The following SLC47A1 variants were observed in gnomAD, a reference collection of about 807,000 sequenced individuals.
SLC47A1 encodes solute carrier family 47 member 1, also known as multidrug and toxin extrusion protein 1.
Under a neutral mutation model 65.8 loss-of-function variants are expected in SLC47A1, and 58 were observed. The ratio of observed to expected loss-of-function variants is 0.88; its 90% confidence interval spans 0.71 to 1.10. The LOEUF is 1.10. Among genes scored for constraint, SLC47A1 ranks in the 50% least tolerant of loss-of-function variants. The probability of loss-of-function intolerance (pLI) is 0.00; values close to 1 mark genes in which losing one functional copy is unlikely to be tolerated. For synonymous variants in SLC47A1, 285 were observed against 295.0 expected (o/e 0.97, Z 0.35); for missense variants, 706 against 719.2 (o/e 0.98, Z 0.21).
chr17:19,574,429 G>A (rs2084423613), intron 16 of SLC47A1, among the ~76,000 whole-genome samples: 1 of 152,186 alleles, frequency 6.6e-6, no homozygotes, highest in Admixed American at 6.5e-5. Context: ...AGCAGCCTCA[G>A]AGGCTGGGCA....
At chr17:19,542,245 C>A (rs901785100) in intron 1 of SLC47A1, 148 bp from the exon 2 acceptor site, 33 of 471,512 alleles carry the variant, frequency 7.0e-5, no homozygotes, top group African/African-American at 5.2e-4. Flanking sequence ...AGAAATTGTA[C>A]ATTTGCCTGT....
intron 12 of SLC47A1, 33 bp from the exon 13 acceptor site, chr17:19,566,757 T>G: frequency 6.2e-7 from 1 of 1,607,396 alleles, no homozygotes; most frequent in Admixed American, 1.7e-5. Flanking sequence ...CCACTTTGTC[T>G]CCTAATCACC....
At chr17:19,541,757 T>C (rs1597493792) in intron 1 of SLC47A1, among the ~76,000 whole-genome samples, 1 of 152,186 alleles carries the variant, frequency 6.6e-6, no homozygotes, top group Non-Finnish European at 1.5e-5. Context: ...AACAAGGGGG[T>C]TATCCCAGAA....
intron 6 of SLC47A1, among the ~76,000 whole-genome samples, chr17:19,551,845 G>C (rs554899487): frequency 6.6e-6 from 1 of 152,312 alleles, no homozygotes; most frequent in East Asian, 1.9e-4. Flanking sequence ...GGGGCAGCTC[G>C]TCTGGCAGAG....
At chr17:19,553,002 G>T (rs188952045) in intron 6 of SLC47A1, among the ~76,000 whole-genome samples, 10 of 152,264 alleles carry the variant, frequency 6.6e-5, no homozygotes, top group Non-Finnish European at 5.9e-5. Context: ...AGTTTGCGTT[G>T]TGGGAGCAGT....
At chr17:19,557,525 T>C (rs751282307) in intron 10 of SLC47A1, 1 of 508,584 alleles carries the variant, frequency 2.0e-6, no homozygotes, top group Admixed American at 2.0e-5. Context: ...CTTCATATAC[T>C]TGTCTGATTA....
chr17:19,571,444 G>A (rs770384344), intron 14 of SLC47A1, 34 bp from the exon 15 acceptor site: 4 of 1,582,568 alleles, frequency 2.5e-6, no homozygotes, highest in East Asian at 2.2e-5. Context: ...GGTTTTCTAT[G>A]GAATTAACCT....
intron 1 of SLC47A1, among the ~76,000 whole-genome samples, chr17:19,536,421 T>C (rs1405456942): frequency 6.6e-6 from 1 of 152,166 alleles, no homozygotes; most frequent in African/African-American, 2.4e-5. Context: ...CATATATGTA[T>C]ACCATTGTGT....
intron 16 of SLC47A1, among the ~76,000 whole-genome samples, chr17:19,576,281 T>C (rs901169423): frequency 6.7e-6 from 1 of 149,104 alleles, no homozygotes; most frequent in African/African-American, 2.5e-5. Flanking sequence ...CAATACTTAG[T>C]AGGCCCTTTG....
chr17:19,572,908 A>G, intron 16 of SLC47A1, 47 bp downstream of exon 16: 1 of 1,534,132 alleles, frequency 6.5e-7, no homozygotes, highest in Non-Finnish European at 9.0e-7. Context: ...TCTAGGTAGG[A>G]CTGGAGGGGC....
intron 12 of SLC47A1, among the ~76,000 whole-genome samples, chr17:19,563,338 T>C (rs940312530): frequency 2.0e-5 from 3 of 151,788 alleles, no homozygotes; most frequent in Non-Finnish European, 4.4e-5. Context: ...TTCACCGTGT[T>C]AGCCAGGATG....
intron 14 of SLC47A1, chr17:19,570,801 T>C (rs1368011194): frequency 6.6e-6 from 1 of 152,326 alleles, no homozygotes; most frequent in African/African-American, 2.4e-5. Context: ...TTGGAGCTTT[T>C]GGTTCTGCCA....
chr17:19,556,298 C>T (rs578252863), intron 10 of SLC47A1, among the ~76,000 whole-genome samples: 5 of 152,178 alleles, frequency 3.3e-5, no homozygotes, highest in Non-Finnish European at 7.3e-5. Context: ...CATCTCCTAA[C>T]GCAGCTCCCA....
chr17:19,548,499 CTTTTT>C (rs11341022), intron 4 of SLC47A1, among the ~76,000 whole-genome samples: 9 of 123,444 alleles, frequency 7.3e-5, no homozygotes, highest in Admixed American at 8.2e-5. Context: ...CAAGATTTTT[CTTTTT>C]TTTTTTTTTT....
chr17:19,556,651 C>G (rs1042302655), intron 10 of SLC47A1, among the ~76,000 whole-genome samples: 1 of 150,280 alleles, frequency 6.7e-6, no homozygotes, highest in Admixed American at 6.6e-5. Context: ...CTCCGCCTCC[C>G]GGGTTCAAGC....
intron 10 of SLC47A1, among the ~76,000 whole-genome samples, chr17:19,559,133 A>G (rs770354878): frequency 3.9e-5 from 6 of 152,204 alleles, no homozygotes; most frequent in East Asian, 1.9e-4. Flanking sequence ...CAATAGCCCA[A>G]TGAGATAGGT....
intron 2 of SLC47A1, among the ~76,000 whole-genome samples, chr17:19,542,847 A>G (rs1258926339): frequency 6.7e-6 from 1 of 150,034 alleles, no homozygotes; most frequent in Non-Finnish European, 1.5e-5. Flanking sequence ...GCTGGAGTGC[A>G]ATGGTGCGAT....
At position 19,567,042 on chromosome 17, in the gene SLC47A1, G is replaced by A. The variant is rs928427522; in HGVS notation, c.1177-54G>A. On this transcript the variant is annotated intron_variant, in intron 13 of 16. Coordinates refer to ENST00000270570, the MANE Select transcript of SLC47A1 (RefSeq NM_018242.3). Reference sequence around the variant, plus strand: ...AATATGAAGTGCTCGGGAGATGGGAGTGTTTCAAGAGCGCCGGATGTGTTC... The same window carrying A: ...AATATGAAGTGCTCGGGAGATGGGAATGTTTCAAGAGCGCCGGATGTGTTC... 6 of 1,612,720 alleles carry A rather than the reference G, an allele frequency of 3.7e-6. No homozygotes were observed. In the African/African-American group the frequency reaches 6.7e-5, roughly 18 times the overall value.
chr17:19,540,503 A>T (rs1347302242), intron 1 of SLC47A1, among the ~76,000 whole-genome samples: 2 of 152,148 alleles, frequency 1.3e-5, no homozygotes, highest in Non-Finnish European at 2.9e-5. Flanking sequence ...TTAAAGAGAC[A>T]CCAAGCTCCA....
Sources: allele counts gnomAD v4.1 joint callset (sites outside exome capture counted in the v4.1 genomes callset), GRCh38; gene constraint gnomAD v4.1.1; transcripts MANE v1.5; gene names NCBI Gene and HGNC (gene_info 2026-07-23, HGNC 2026-07-21).